TTC9: variants seen among roughly 807,000 people sequenced by gnomAD.
The protein encoded by TTC9 is tetratricopeptide repeat domain 9.
In TTC9, 13 loss-of-function variants were observed where a neutral mutation model predicts 22.9. The ratio of observed to expected loss-of-function variants is 0.57; its 90% CI spans 0.37 to 0.90. TTC9 has a LOEUF of 0.90. TTC9 is among the 40% of genes least tolerant of loss of function. The probability of loss-of-function intolerance (pLI) is 0.01; values close to 1 mark genes in which losing one functional copy is unlikely to be tolerated. For synonymous variants in TTC9, 148 were observed against 133.2 expected, an observed-to-expected ratio of 1.11 and a Z score of -0.77; for missense variants, 280 against 291.8, an observed-to-expected ratio of 0.96 and a Z score of 0.29.
intron 1 of TTC9, among the ~76,000 whole-genome samples, chr14:70,651,506 C>CA (rs367766834): frequency 0.011 from 1,606 of 148,632 alleles, 30 homozygotes; most frequent in African/African-American, 0.037. Flanking sequence ...CATTATCCCA[C>CA]AAAAAAAAAA....
chr14:70,667,889 C>T, intron 2 of TTC9, 143 bp downstream of exon 2: 1 of 772,496 alleles, frequency 1.3e-6, no homozygotes, highest in South Asian at 1.9e-5. Context: ...ATGATAAGAC[C>T]TAAGAGGAGC....
At chr14:70,649,873 G>A (rs574322293) in intron 1 of TTC9, among the ~76,000 whole-genome samples, 2 of 152,334 alleles carry the variant, frequency 1.3e-5, no homozygotes, top group African/African-American at 4.8e-5. Flanking sequence ...TAAGGGGAAA[G>A]TGTCCTGTGT....
chr14:70,642,255 C>T lies in TTC9; in HGVS notation c.126C>T (p.Gly42=), dbSNP rs1885824886. The T allele has an allele frequency of 6.1e-6, 9 of 1,469,652 alleles. No individual in the cohort carries two copies. Among genetic ancestry groups the T allele is most frequent in the African/African-American group, 1.5e-5 (1 of 67,180 alleles). 91.0% of individuals were successfully genotyped at this position (1,469,652 alleles called of 1,614,324 possible). ...GCGGCGGAGGAGCCCCAGCGAGGGGCCAGGTCGGGGCGGCGGCCGAGCCGG... is the reference window on the plus strand; with the variant it reads ...GCGGCGGAGGAGCCCCAGCGAGGGGTCAGGTCGGGGCGGCGGCCGAGCCGG... ...PGGGGGAPAR[G]QVGAAAEPAE... The change falls in exon 1 of 3, where the codon GGC becomes GGT. Residue 42 remains glycine, a synonymous_variant. Coordinates refer to ENST00000256367, the MANE Select transcript of TTC9 (RefSeq NM_015351.2).
At chr14:70,669,978 C>A (rs1886269578) in intron 2 of TTC9, among the ~76,000 whole-genome samples, 1 of 152,030 alleles carries the variant, frequency 6.6e-6, no homozygotes, top group Admixed American at 6.5e-5. Context: ...GAAGAAATGC[C>A]CCAGTTTTGG....
At position 70,642,301 on chromosome 14, in the gene TTC9, C is replaced by T; in HGVS notation, c.172C>T (p.His58Tyr). Residue 58 changes from histidine to tyrosine, a missense_variant, in exon 1 of 3, where the codon CAC becomes TAC. Transcript: ENST00000256367. ...AEPAELIRRA[H>Y]EFKSQGAQCY... ...GCCGGCCGAGCTCATCCGACGAGCG[C>T]ACGAGTTCAAAAGCCAAGGGGCGCA... The T allele has an allele frequency of 6.4e-7, 1 of 1,551,678 alleles. No individual in the cohort carries two copies. The highest frequency in any genetic ancestry group is 8.7e-7 in the Non-Finnish European group (1 of 1,150,818).
At chr14:70,668,375 G>T (rs1214491192) in intron 2 of TTC9, among the ~76,000 whole-genome samples, 2 of 152,274 alleles carry the variant, frequency 1.3e-5, no homozygotes, top group East Asian at 3.9e-4. Flanking sequence ...ATATTATAAT[G>T]GCTCACTGTC....
At chr14:70,648,618 T>G (rs949826950) in intron 1 of TTC9, among the ~76,000 whole-genome samples, 1 of 152,196 alleles carries the variant, frequency 6.6e-6, no homozygotes, top group African/African-American at 2.4e-5. Context: ...TATAAGGAAA[T>G]CCTCTCCTCA....
rs1886326235 is a variant in TTC9 at position 70,673,551 on chromosome 14, G to C, written c.*2396G>C. ...AAAACTACCCTATGGCCCCACACGGGAATGTGTTCAAACGCCCCGACCCCC... is the reference window on the plus strand; with the variant it reads ...AAAACTACCCTATGGCCCCACACGGCAATGTGTTCAAACGCCCCGACCCCC... On this transcript the variant is annotated 3_prime_UTR_variant, in exon 3 of 3. Coordinates refer to ENST00000256367, the MANE Select transcript of TTC9 (RefSeq NM_015351.2). The C allele has an allele frequency of 6.6e-6, 1 of 152,230 alleles. No homozygotes were observed. Among genetic ancestry groups the C allele is most frequent in the Non-Finnish European group, 1.5e-5 (1 of 68,092 alleles). 9.4% of individuals were successfully genotyped at this position (152,230 alleles called of 1,614,324 possible).
chr14:70,644,017 T>C (rs1369993056), intron 1 of TTC9, among the ~76,000 whole-genome samples: 1 of 152,208 alleles, frequency 6.6e-6, no homozygotes, highest in Non-Finnish European at 1.5e-5. Context: ...TGTAAGTCTT[T>C]GGCATACTGT....
chr14:70,674,102 T>G lies in TTC9; in HGVS notation c.*2947T>G, dbSNP rs1289343108. 6.6e-6 allele frequency: 1 copy of G among 152,116 alleles called. No individual in the cohort carries two copies. The highest frequency in any genetic ancestry group is 1.5e-5 in the Non-Finnish European group (1 of 68,018). 9.4% of individuals were successfully genotyped at this position (152,116 alleles called of 1,614,324 possible). A position where few individuals can be genotyped will look rare whatever the true frequency, so the allele number is the denominator to read the frequency against. ...CAGGTTCATTCTCCCTACCAAATCT[T>G]CAGCTTCCTTCTCCTCATCCCTCCC... On this transcript the variant is annotated 3_prime_UTR_variant, in exon 3 of 3. Coordinates refer to ENST00000256367, the MANE Select transcript of TTC9 (RefSeq NM_015351.2).
At chr14:70,658,770 C>T (rs1795897904) in intron 1 of TTC9, among the ~76,000 whole-genome samples, 1 of 152,164 alleles carries the variant, frequency 6.6e-6, no homozygotes, top group South Asian at 2.1e-4. Context: ...TTCCTATCAA[C>T]TTTATTCGTA....
chr14:70,646,816 G>C (rs1342614655), intron 1 of TTC9, among the ~76,000 whole-genome samples: 1 of 152,204 alleles, frequency 6.6e-6, no homozygotes, highest in Non-Finnish European at 1.5e-5. Flanking sequence ...AGTCACACTG[G>C]GAAATGCCTG....
intron 1 of TTC9, among the ~76,000 whole-genome samples, chr14:70,648,951 A>G (rs900305515): frequency 2.6e-5 from 4 of 152,242 alleles, no homozygotes; most frequent in African/African-American, 4.8e-5. Context: ...TATCTTATAC[A>G]GACGTACAAT....
intron 1 of TTC9, among the ~76,000 whole-genome samples, chr14:70,658,101 T>G (rs1160622771): frequency 6.6e-6 from 1 of 152,240 alleles, no homozygotes; most frequent in Non-Finnish European, 1.5e-5. Context: ...CCACCAGCTC[T>G]GTTGGATTGG....
chr14:70,642,583 G>A (rs766757080), intron 1 of TTC9, 48 bp downstream of exon 1: 5 of 1,464,584 alleles, frequency 3.4e-6, no homozygotes, highest in Admixed American at 2.2e-5. Context: ...TCTTCGGCCC[G>A]GTCCCTCCGC....
chr14:70,668,351 C>T lies in TTC9; in HGVS notation c.589+605C>T, dbSNP rs542940301. 3.3e-5 allele frequency among the ~76,000 whole-genome samples: 5 copies of T among 152,154 alleles called. No individual in the cohort carries two copies. In the South Asian group the frequency reaches 8.3e-4, roughly 25 times the overall value. On this transcript the variant is annotated intron_variant, in intron 2 of 2. Coordinates refer to ENST00000256367, the MANE Select transcript of TTC9 (RefSeq NM_015351.2). The stretch of plus-strand genomic sequence containing the variant: ...AGTAGTGAACAAAAGAAAGTTGTTG[C>T]CTTCAAAGAGCTTATATTATAATGG...
chr14:70,659,302 T>G (rs1886112790), intron 1 of TTC9, among the ~76,000 whole-genome samples: 1 of 152,124 alleles, frequency 6.6e-6, no homozygotes, highest in African/African-American at 2.4e-5. Flanking sequence ...ATGGGAGGTC[T>G]CTTTGTAGTA....
In TTC9 at chr14:70,664,683, C is replaced by T. The variant is rs189695332; in HGVS notation, c.407-2881C>T. Among the ~76,000 whole-genome samples the T allele has an allele frequency of 3.9e-3, 590 of 150,532 alleles. 5 individuals carry two copies. Among genetic ancestry groups the T allele is most frequent in the African/African-American group, 0.014 (561 of 40,864 alleles). On this transcript the variant is annotated intron_variant, in intron 1 of 2. Coordinates refer to ENST00000256367, the MANE Select transcript of TTC9 (RefSeq NM_015351.2). Reference sequence around the variant, plus strand: ...GGCAGAGGTTGCAGTGAGCCGAGATCGCACCACTGCACTCCAGCCTAGGCA... The same window carrying T: ...GGCAGAGGTTGCAGTGAGCCGAGATTGCACCACTGCACTCCAGCCTAGGCA...
intron 1 of TTC9, among the ~76,000 whole-genome samples, chr14:70,654,416 C>A (rs1886028804): frequency 1.3e-5 from 2 of 151,538 alleles, no homozygotes; most frequent in African/African-American, 4.8e-5. Context: ...CATGGTGAAA[C>A]CCTGTCTCTA....
Sources: allele counts gnomAD v4.1 joint callset (sites outside exome capture counted in the v4.1 genomes callset), GRCh38; gene constraint gnomAD v4.1.1; transcripts MANE v1.5; gene names NCBI Gene and HGNC (gene_info 2026-07-23, HGNC 2026-07-21).